The following UBOX5 variants were observed in gnomAD, a reference collection of about 807,000 sequenced individuals.
UBOX5 encodes RING finger protein 37.
UBOX5 carries 28 observed loss-of-function variants against 39.0 expected under a neutral mutation model. The observed-to-expected ratio is 0.72, with a 90% CI of 0.53 to 0.98. UBOX5 has a LOEUF of 0.98. Ranked by LOEUF, UBOX5 falls within the 50% of genes least tolerant of loss-of-function variation. The pLI, the probability that UBOX5 is intolerant of heterozygous loss-of-function variation, is 0.00. For missense variants in UBOX5, 585 were observed against 674.4 expected, an observed-to-expected ratio of 0.87 and a Z score of 1.47; for synonymous variants, 283 against 275.5, an observed-to-expected ratio of 1.03 and a Z score of -0.27.
At chr20:3,120,156 G>A (rs185732029) in intron 3 of UBOX5, among the ~76,000 whole-genome samples, 26 of 152,030 alleles carry the variant, frequency 1.7e-4, no homozygotes, top group African/African-American at 5.3e-4. Context: ...AGACCATCCC[G>A]GGCACCATGG....
chr20:3,158,503 T>C (rs113209225), intron 1 of UBOX5, among the ~76,000 whole-genome samples: 1 of 152,286 alleles, frequency 6.6e-6, no homozygotes, highest in African/African-American at 2.4e-5. Context: ...AGACGGACTC[T>C]CGCTCTCTCG....
chr20:3,118,750 C>G (rs1026216393), intron 3 of UBOX5, among the ~76,000 whole-genome samples: 2 of 151,494 alleles, frequency 1.3e-5, no homozygotes, highest in South Asian at 2.1e-4. Flanking sequence ...CCAGCCTGGG[C>G]GACAGAGCGA....
chr20:3,121,613 C>T lies in UBOX5; in HGVS notation c.1026G>A (p.Leu342=), dbSNP rs1163685541. Residue 342 remains leucine, a synonymous_variant, in exon 3 of 5, where the codon CTG becomes CTA. Coordinates refer to ENST00000217173, the MANE Select transcript of UBOX5 (RefSeq NM_014948.4). ...CCAATGCCGTCTGTGCTCTCCCAAG[C>T]AGGTGGCAGCCAGGGATGGAGTGCT... ...LLQHSIPGCH[L]LGRAQTALAV... is the part of the protein sequence containing the mutation. 6.2e-7 allele frequency: 1 copy of T among 1,607,782 alleles called. No homozygotes were observed. Among genetic ancestry groups the T allele is most frequent in the South Asian group, 1.1e-5 (1 of 90,260 alleles).
At chr20:3,135,787 A>T (rs142306001) in intron 1 of UBOX5, among the ~76,000 whole-genome samples, 3 of 10,950 alleles carry the variant, frequency 2.7e-4, no homozygotes, top group African/African-American at 8.2e-3. Flanking sequence ...GGTTGTAGTT[A>T]AAAAAAAAAA....
chr20:3,125,642 G>GGCC (rs2066380188), intron 1 of UBOX5, among the ~76,000 whole-genome samples: 1 of 126,326 alleles, frequency 7.9e-6, no homozygotes, highest in African/African-American at 3.1e-5. Flanking sequence ...GCCTCTGCCC[G>GGCC]GCCACCCCGT....
chr20:3,148,438 T>G, intron 1 of UBOX5: 2 of 1,614,110 alleles, frequency 1.2e-6, no homozygotes, highest in Non-Finnish European at 1.7e-6. Flanking sequence ...TGACAAAAGC[T>G]TTCAAAACAT....
chr20:3,110,474 G>A (rs1293264283), intron 4 of UBOX5, 160 bp from the exon 5 acceptor site: 2 of 771,598 alleles, frequency 2.6e-6, no homozygotes, highest in Non-Finnish European at 4.2e-6. Flanking sequence ...GGAAGCGGGA[G>A]AGGGAGCCTG....
intron 3 of UBOX5, among the ~76,000 whole-genome samples, chr20:3,118,887 C>T (rs889916670): frequency 2.0e-5 from 3 of 151,676 alleles, no homozygotes; most frequent in South Asian, 4.2e-4. Flanking sequence ...TGAAGTGAGC[C>T]GAGATCACAC....
chr20:3,131,502 T>C (rs143868668), intron 1 of UBOX5, among the ~76,000 whole-genome samples: 1,605 of 152,346 alleles, frequency 0.011, 18 homozygotes, highest in South Asian at 0.025. Context: ...AAATGTACTG[T>C]ACTACTGAAT....
At chr20:3,129,313 C>T (rs1470889639) in intron 1 of UBOX5, among the ~76,000 whole-genome samples, 1 of 152,236 alleles carries the variant, frequency 6.6e-6, no homozygotes, top group African/African-American at 2.4e-5. Context: ...TCTTATCCCA[C>T]ACCACTATCT....
At chr20:3,112,752 G>A (rs1261864462) in intron 4 of UBOX5, among the ~76,000 whole-genome samples, 1 of 152,144 alleles carries the variant, frequency 6.6e-6, no homozygotes, top group African/African-American at 2.4e-5. Context: ...ATCACCTGAG[G>A]TCAGGAGTTC....
At chr20:3,127,687 C>T (rs935870050) in intron 1 of UBOX5, among the ~76,000 whole-genome samples, 1 of 152,044 alleles carries the variant, frequency 6.6e-6, no homozygotes, top group African/African-American at 2.4e-5. Flanking sequence ...CTTCTTTATG[C>T]CTTCTAGTAT....
At chr20:3,115,210 G>A in intron 4 of UBOX5, 95 bp downstream of exon 4, 1 of 1,446,308 alleles carries the variant, frequency 6.9e-7, no homozygotes, top group Non-Finnish European at 9.1e-7. Context: ...GGCCAGGCAG[G>A]TCCACAGAGC....
At chr20:3,123,528 G>A (rs1421020605) in intron 1 of UBOX5, 122 bp from the exon 2 acceptor site, 13 of 644,810 alleles carry the variant, frequency 2.0e-5, no homozygotes, top group African/African-American at 1.1e-4. Flanking sequence ...ACACTCTCAC[G>A]GTCCACACTG....
At chr20:3,123,058 T>C (rs2066350896) in intron 2 of UBOX5, among the ~76,000 whole-genome samples, 1 of 152,112 alleles carries the variant, frequency 6.6e-6, no homozygotes, top group African/African-American at 2.4e-5. Flanking sequence ...AGACTGGAGA[T>C]TGATCATCAA....
In UBOX5 at chr20:3,122,332, C is replaced by T; in HGVS notation, c.307G>A (p.Gly103Ser). Residue 103 changes from glycine (G) to serine (S), a missense_variant, in exon 3 of 5, where the codon GGC (glycine) becomes AGC (serine). Physicochemically the swap from Gly to Ser is moderately conservative, Grantham distance 56 (BLOSUM62 0). Coordinates refer to ENST00000217173, the MANE Select transcript of UBOX5 (RefSeq NM_014948.4). ...SWNTPQCRTL[G>S]PAEPSVPDKE... ...TCTGGGACAGATGGCTCAGCTGGGC[C>T]CAGGGTCCGGCACTGGGGCGTATTC... 1 of 1,614,170 alleles carries T rather than the reference C, an allele frequency of 6.2e-7. No individual in the cohort carries two copies. Among genetic ancestry groups the T allele is most frequent in the Non-Finnish European group, 8.5e-7 (1 of 1,180,026 alleles).
At chr20:3,153,404 A>G (rs2066651091) in intron 1 of UBOX5, among the ~76,000 whole-genome samples, 1 of 152,260 alleles carries the variant, frequency 6.6e-6, no homozygotes, top group Non-Finnish European at 1.5e-5. Flanking sequence ...ATTAGTTCCC[A>G]TCCTTATAAC....
chr20:3,110,432 G>A (rs1003484683), intron 4 of UBOX5, 118 bp from the exon 5 acceptor site: 97 of 1,189,984 alleles, frequency 8.2e-5, no homozygotes, highest in Admixed American at 1.2e-4. Context: ...CATCCCTCCC[G>A]AGTCCATCCC....
At chr20:3,141,972 C>T (rs939550418) in intron 1 of UBOX5, among the ~76,000 whole-genome samples, 37 of 151,952 alleles carry the variant, frequency 2.4e-4, no homozygotes, top group Admixed American at 1.6e-3. Context: ...ATAATCATCC[C>T]ACTGCACTCC....
Sources: gnomAD v4.1 joint callset for allele counts (sites outside exome capture counted in the v4.1 genomes callset) on GRCh38, gnomAD v4.1.1 for gene constraint, MANE v1.5 for transcripts, NCBI Gene and HGNC (gene_info 2026-07-23, HGNC 2026-07-21) for gene names.